ERCC6L2: variants seen among roughly 807,000 people sequenced by gnomAD.
ERCC6L2 encodes the protein DNA excision repair protein ERCC-6-like 2.
In ERCC6L2, 77 loss-of-function variants were observed where a neutral mutation model predicts 132.0. The ratio of observed to expected loss-of-function variants is 0.58; its 90% CI spans 0.49 to 0.71. The LOEUF is 0.71. Ranked by LOEUF, ERCC6L2 falls within the 30% of genes least tolerant of loss-of-function variation. The pLI is 0.00. For synonymous variants in ERCC6L2, 583 were observed against 632.4 expected, an observed-to-expected ratio of 0.92 and a Z score of 1.17; for missense variants, 1,542 against 1,837.6, an observed-to-expected ratio of 0.84 and a Z score of 2.94.
chr9:96,039,159 G>A (rs959352687), intron 20 of ERCC6L2, among the ~76,000 whole-genome samples: 1 of 152,354 alleles, frequency 6.6e-6, no homozygotes, highest in Admixed American at 6.5e-5. Context: ...GGCTTAAGCT[G>A]TTATGGCTTT....
rs1341559053 is a variant in ERCC6L2 at position 96,012,248 on chromosome 9, CTTATT to C, written c.3702_3706del (p.Tyr1234Ter). 3.1e-6 allele frequency: 4 copies of C among 1,273,716 alleles called. No homozygotes were observed. Among genetic ancestry groups the C allele is most frequent in the Non-Finnish European group, 4.1e-6 (4 of 972,154 alleles). The allele number at this position is 1,273,716 out of a possible 1,614,324, so 78.9% of individuals were successfully genotyped here. On this transcript the variant is annotated frameshift_variant, in exon 19 of 19. Coordinates refer to ENST00000653738, the MANE Select transcript of ERCC6L2 (RefSeq NM_020207.7). LOFTEE classifies it low-confidence loss of function (END_TRUNC). ...AGAAAACAATTTGAAGAAATGGCCT[CTTATT>C]TTAACTCGTCTTCTGTAAACGAATT... is the stretch of plus-strand genomic sequence containing the variant.
At position 95,935,147 on chromosome 9, in the gene ERCC6L2, A is replaced by T. The variant is rs544863015; in HGVS notation, c.1751+6283A>T. Among the ~76,000 whole-genome samples, 20 of 152,308 alleles carry T rather than the reference A, an allele frequency of 1.3e-4. No homozygotes were observed. In the South Asian group the frequency reaches 1.9e-3, roughly 14 times the overall value. ...TGCAATAAATGCTTTACTGGAGTTT[A>T]TGTGTGAAGATTCATAGGCATTTAA... On this transcript the variant is annotated intron_variant, in intron 11 of 18. Coordinates refer to ENST00000653738, the MANE Select transcript of ERCC6L2 (RefSeq NM_020207.7).
rs1238054685 is a variant in ERCC6L2, at chr9:95,897,836, C to CT, written c.472-7dup. On this transcript the variant is annotated splice_polypyrimidine_tract_variant and intron_variant, in intron 2 of 18. Coordinates refer to ENST00000653738, the MANE Select transcript of ERCC6L2 (RefSeq NM_020207.7). ...CATTATACACAGTGATTGAAAAAGT[C>CT]TTTTTTCCCCAGGTTATTTCATTTC... 5 of 1,611,506 alleles carry CT rather than the reference C, an allele frequency of 3.1e-6. No homozygotes were observed. The highest frequency in any genetic ancestry group is 4.2e-6 in the Non-Finnish European group (5 of 1,179,094).
At chr9:95,997,611 T>C (rs1278522331) in intron 17 of ERCC6L2, among the ~76,000 whole-genome samples, 4 of 152,270 alleles carry the variant, frequency 2.6e-5, no homozygotes, top group Non-Finnish European at 4.4e-5. Context: ...TTATATGTAC[T>C]GACAAACCAA....
intron 1 of ERCC6L2, chr9:95,876,367 C>T: frequency 2.6e-6 from 1 of 388,946 alleles, no homozygotes; most frequent in Non-Finnish European, 4.6e-6. Context: ...TTACTAGGTT[C>T]TTGCGATTAT....
intron 2 of ERCC6L2, among the ~76,000 whole-genome samples, chr9:95,894,126 C>A (rs974851503): frequency 6.6e-6 from 1 of 152,180 alleles, no homozygotes; most frequent in Non-Finnish European, 1.5e-5. Flanking sequence ...TATAGTTGGG[C>A]AGAATCATCT....
At chr9:95,979,629 T>C (rs1406995559) in intron 17 of ERCC6L2, among the ~76,000 whole-genome samples, 1 of 152,194 alleles carries the variant, frequency 6.6e-6, no homozygotes. Context: ...GTGTAATCCA[T>C]AGGCCCAGTG....
chr9:95,944,519 G>A (rs1265834516), intron 12 of ERCC6L2, among the ~76,000 whole-genome samples: 1 of 152,100 alleles, frequency 6.6e-6, no homozygotes, highest in African/African-American at 2.4e-5. Context: ...ATGGTAAATC[G>A]TTTTGTATGT....
chr9:95,972,428 C>G lies in ERCC6L2; in HGVS notation c.2677C>G (p.Gln893Glu). ...IKNTDKHCIL[Q>E]NVTESEDSDV... ...AAATACAGATAAACATTGCATTTTA[C>G]AGAATGTCACAGAATCAGAAGATAG... The change falls in exon 16 of 19, where the codon CAG becomes GAG. Residue 893 changes from glutamine to glutamate, a missense_variant. Coordinates refer to ENST00000653738, the MANE Select transcript of ERCC6L2 (RefSeq NM_020207.7). 3 of 1,277,674 alleles carry G rather than the reference C, an allele frequency of 2.3e-6. No homozygotes were observed. Among genetic ancestry groups the G allele is most frequent in the Non-Finnish European group, 3.0e-6 (3 of 985,282 alleles). The allele number at this position is 1,277,674 out of a possible 1,614,324, so 79.1% of individuals were successfully genotyped here. A position where few individuals can be genotyped will look rare whatever the true frequency, so the allele number is the denominator to read the frequency against.
At chr9:95,894,216 TTGTA>T (rs1469492344) in intron 2 of ERCC6L2, among the ~76,000 whole-genome samples, 1 of 152,154 alleles carries the variant, frequency 6.6e-6, no homozygotes, top group Admixed American at 6.5e-5. Context: ...AAAACAATGA[TTGTA>T]TGGGTACTTG....
At chr9:96,023,622 G>C (rs1034187513) in intron 19 of ERCC6L2, among the ~76,000 whole-genome samples, 1 of 152,148 alleles carries the variant, frequency 6.6e-6, no homozygotes, top group African/African-American at 2.4e-5. Flanking sequence ...TTTCCGAATG[G>C]AGCCCGGAGT....
chr9:95,908,926 A>G (rs1468028639), intron 4 of ERCC6L2, among the ~76,000 whole-genome samples: 8 of 152,198 alleles, frequency 5.3e-5, no homozygotes, highest in South Asian at 2.1e-4. Context: ...AATGATGAAC[A>G]ATTGATAGTT....
At position 96,024,421 on chromosome 9, in the gene ERCC6L2, T is replaced by G. The variant is rs563527235; in HGVS notation, c.*1504-14455T>G. Among the ~76,000 whole-genome samples, 81 of 152,364 alleles carry G rather than the reference T, an allele frequency of 5.3e-4. 1 individual carries two copies. Among genetic ancestry groups the G allele is most frequent in the African/African-American group, 1.8e-3 (74 of 41,592 alleles). On this transcript the variant is annotated intron_variant and NMD_transcript_variant, in intron 19 of 20. Coordinates refer to the ERCC6L2 transcript ENST00000670016. ...ACTTGCTTTCCTAGATGGGACGTGG[T>G]GGCCCACGGCATCCATAGCAAACCA...
intron 4 of ERCC6L2, among the ~76,000 whole-genome samples, chr9:95,907,836 C>CACACACACACACACACACACACACAA (rs1470473183): frequency 1.2e-5 from 1 of 81,214 alleles, no homozygotes; most frequent in Admixed American, 1.3e-4. Flanking sequence ...TACACACACA[C>CACACACACACACACACACACACACAA]ACACACACAC....
downstream of ERCC6L2, among the ~76,000 whole-genome samples, chr9:96,022,012 G>C (rs1461306310): frequency 6.6e-6 from 1 of 152,116 alleles, no homozygotes; most frequent in African/African-American, 2.4e-5. Context: ...CCGCAGGTCG[G>C]CCCTGCAGCT....
At chr9:95,962,075 C>T (rs1053533554) in intron 13 of ERCC6L2, among the ~76,000 whole-genome samples, 1 of 152,148 alleles carries the variant, frequency 6.6e-6, no homozygotes, top group African/African-American at 2.4e-5. Flanking sequence ...ACCGTATCAC[C>T]TACAAACCAA....
At position 96,013,236 on chromosome 9, in the gene ERCC6L2, C is replaced by T; in HGVS notation, c.*33C>T. 1 of 1,313,562 alleles carries T rather than the reference C, an allele frequency of 7.6e-7. No homozygotes were observed. The highest frequency in any genetic ancestry group is 1.3e-5 in the South Asian group (1 of 78,554). 81.4% of individuals were successfully genotyped at this position (1,313,562 alleles called of 1,614,324 possible). A position where few individuals can be genotyped will look rare whatever the true frequency, so the allele number is the denominator to read the frequency against. ...AATGAATTACTGCACCAGTAAACTGCTGCCATCACTGTTTACGGCACTGGA... is the reference window on the plus strand; with the variant it reads ...AATGAATTACTGCACCAGTAAACTGTTGCCATCACTGTTTACGGCACTGGA... On this transcript the variant is annotated 3_prime_UTR_variant, in exon 19 of 19. Transcript: ENST00000653738.
At chr9:95,906,801 T>A (rs950409316) in intron 3 of ERCC6L2, 2 of 504,834 alleles carry the variant, frequency 4.0e-6, no homozygotes, top group African/African-American at 3.9e-5. Context: ...TCTCTCTCAT[T>A]TCTCAGTGCC....
chr9:95,889,019 A>G (rs920883513), intron 2 of ERCC6L2, among the ~76,000 whole-genome samples: 9 of 152,212 alleles, frequency 5.9e-5, no homozygotes, highest in East Asian at 3.8e-4. Context: ...GTGGATAAGT[A>G]GTGTTAAGAG....
Sources: allele counts gnomAD v4.1 joint callset (sites outside exome capture counted in the v4.1 genomes callset), GRCh38; gene constraint gnomAD v4.1.1; transcripts MANE v1.5; gene names NCBI Gene and HGNC (gene_info 2026-07-23, HGNC 2026-07-21).